The following PXDNL variants were observed in gnomAD, a reference collection of about 807,000 sequenced individuals.
PXDNL encodes probable oxidoreductase PXDNL.
PXDNL carries 145 observed loss-of-function variants against 150.8 expected under a neutral mutation model. The ratio of observed to expected loss-of-function variants is 0.96; its 90% CI spans 0.84 to 1.10. The LOEUF (loss-of-function observed/expected upper bound fraction) is 1.10, where lower values mean the gene tolerates loss of function less well. Ranked by LOEUF, PXDNL falls within the 50% of genes least tolerant of loss-of-function variation. The pLI is 0.00. For synonymous variants in PXDNL, 757 were observed against 725.7 expected, an observed-to-expected ratio of 1.04 and a Z score of -0.69; for missense variants, 2,087 against 1,873.9, an observed-to-expected ratio of 1.11 and a Z score of -2.10.
At chr8:51,633,657 A>G (rs537598406) in intron 2 of PXDNL, among the ~76,000 whole-genome samples, 1 of 152,236 alleles carries the variant, frequency 6.6e-6, no homozygotes, top group South Asian at 2.1e-4. Context: ...TCTAAAAAGA[A>G]GAAGAAGAAT....
chr8:51,553,754 ATATAT>A (rs1812543654), intron 4 of PXDNL, among the ~76,000 whole-genome samples: 1 of 103,448 alleles, frequency 9.7e-6, no homozygotes, highest in South Asian at 2.7e-4. Flanking sequence ...ATATATATAT[ATATAT>A]ATATATATAT....
At chr8:51,644,407 T>C (rs1204190631) in intron 2 of PXDNL, among the ~76,000 whole-genome samples, 198 of 58,498 alleles carry the variant, frequency 3.4e-3, no homozygotes, top group African/African-American at 0.012. Flanking sequence ...TATATACACA[T>C]GTGTGTGTAT....
chr8:51,606,374 A>C (rs1432015199), intron 2 of PXDNL, among the ~76,000 whole-genome samples: 1 of 152,196 alleles, frequency 6.6e-6, no homozygotes, highest in Non-Finnish European at 1.5e-5. Context: ...CCAGCAGTGG[A>C]TCCTTCATGT....
chr8:51,762,486 C>G (rs1287710836), intron 1 of PXDNL, among the ~76,000 whole-genome samples: 1 of 152,178 alleles, frequency 6.6e-6, no homozygotes, highest in African/African-American at 2.4e-5. Context: ...TGAGAGCTTC[C>G]TCTGCACAAT....
intron 12 of PXDNL, chr8:51,435,769 A>G (rs1809388033): frequency 2.5e-6 from 1 of 404,040 alleles, no homozygotes; most frequent in Non-Finnish European, 4.9e-6. Flanking sequence ...AGGGGGAGTG[A>G]AAAAACAAGG....
intron 1 of PXDNL, among the ~76,000 whole-genome samples, chr8:51,719,649 A>C (rs115239904): frequency 0.037 from 5,691 of 152,162 alleles, 342 homozygotes; most frequent in African/African-American, 0.12. Flanking sequence ...TAAAAAAAAA[A>C]AAAAAACTAT....
intron 4 of PXDNL, among the ~76,000 whole-genome samples, chr8:51,508,616 A>C (rs1811342525): frequency 6.6e-6 from 1 of 152,054 alleles, no homozygotes; most frequent in Non-Finnish European, 1.5e-5. Context: ...CTGAGTCCTG[A>C]GGCTTCTCCC....
chr8:51,545,399 T>G (rs1812335462), intron 4 of PXDNL, among the ~76,000 whole-genome samples: 1 of 152,272 alleles, frequency 6.6e-6, no homozygotes, highest in South Asian at 2.1e-4. Context: ...TAAAATTATT[T>G]TTTAAAAAGA....
At chr8:51,675,013 G>A (rs1272536180) in intron 1 of PXDNL, among the ~76,000 whole-genome samples, 2 of 152,168 alleles carry the variant, frequency 1.3e-5, no homozygotes, top group Non-Finnish European at 2.9e-5. Context: ...GGGAAACTGA[G>A]AACTAACTCT....
At chr8:51,351,637 C>T (rs759320719) in intron 19 of PXDNL, among the ~76,000 whole-genome samples, 6 of 152,282 alleles carry the variant, frequency 3.9e-5, no homozygotes, top group South Asian at 4.2e-4. Context: ...CACATCACAC[C>T]TTCCGTGGCC....
intron 4 of PXDNL, among the ~76,000 whole-genome samples, chr8:51,518,875 T>C (rs1811600541): frequency 6.6e-6 from 1 of 151,924 alleles, no homozygotes; most frequent in South Asian, 2.1e-4. Flanking sequence ...TAATTGCAGA[T>C]GTCACCTAAT....
At chr8:51,778,565 C>G (rs2037380287) in intron 1 of PXDNL, among the ~76,000 whole-genome samples, 1 of 152,144 alleles carries the variant, frequency 6.6e-6, no homozygotes, top group African/African-American at 2.4e-5. Flanking sequence ...TTATTTCCTA[C>G]TCACAACTTT....
At chr8:51,500,151 C>T (rs1811151649) in intron 4 of PXDNL, among the ~76,000 whole-genome samples, 1 of 152,112 alleles carries the variant, frequency 6.6e-6, no homozygotes, top group South Asian at 2.1e-4. Flanking sequence ...TACAAGTGAC[C>T]ACATGCTTAT....
intron 21 of PXDNL, among the ~76,000 whole-genome samples, chr8:51,327,146 G>C (rs1431565281): frequency 6.6e-6 from 1 of 152,138 alleles, no homozygotes; most frequent in Admixed American, 6.5e-5. Flanking sequence ...AAACTGTGGA[G>C]GACAGACACA....
intron 6 of PXDNL, among the ~76,000 whole-genome samples, chr8:51,476,937 G>C (rs1810492158): frequency 6.6e-6 from 1 of 152,024 alleles, no homozygotes; most frequent in South Asian, 2.1e-4. Flanking sequence ...TACAAACATG[G>C]AAAAACAAAT....
intron 17 of PXDNL, among the ~76,000 whole-genome samples, chr8:51,398,885 A>T (rs1808166161): frequency 6.6e-6 from 1 of 152,240 alleles, no homozygotes; most frequent in African/African-American, 2.4e-5. Context: ...CAAATTAAAG[A>T]AGGTATGCTC....
intron 3 of PXDNL, among the ~76,000 whole-genome samples, chr8:51,588,606 T>A (rs780104472): frequency 2.0e-5 from 3 of 152,252 alleles, no homozygotes; most frequent in Non-Finnish European, 4.4e-5. Flanking sequence ...TTCCTGCTAA[T>A]AACTGTCATT....
intron 18 of PXDNL, among the ~76,000 whole-genome samples, chr8:51,373,158 G>A (rs184445882): frequency 1.7e-4 from 26 of 152,134 alleles, no homozygotes; most frequent in African/African-American, 2.7e-4. Flanking sequence ...AATAGATCAC[G>A]TGTGTGAGCC....
chr8:51,416,292 G>GTTAAAA (rs1808797947), intron 14 of PXDNL, among the ~76,000 whole-genome samples: 4 of 152,308 alleles, frequency 2.6e-5, no homozygotes, highest in Non-Finnish European at 2.9e-5. Context: ...AAACTTAAAA[G>GTTAAAA]GCTATTCACA....
Sources: gnomAD v4.1 joint callset for allele counts (sites outside exome capture counted in the v4.1 genomes callset) on GRCh38, gnomAD v4.1.1 for gene constraint, MANE v1.5 for transcripts, NCBI Gene and HGNC (gene_info 2026-07-23, HGNC 2026-07-21) for gene names.